FFAR4: variants seen among roughly 807,000 people sequenced by gnomAD.
FFAR4 encodes free fatty acid receptor 4, also known as G-protein coupled receptor 120.
In FFAR4, 19 loss-of-function variants were observed where a neutral mutation model predicts 27.0. That is an observed-to-expected ratio of 0.70 (90% CI 0.49 to 1.03). The LOEUF (loss-of-function observed/expected upper bound fraction) is 1.03, where lower values mean the gene tolerates loss of function less well. FFAR4 is among the 50% of genes least tolerant of loss of function. FFAR4 has a pLI of 0.00. For synonymous variants in FFAR4, 254 were observed against 215.6 expected (o/e 1.18, Z -1.56); for missense variants, 476 against 479.0 (o/e 0.99, Z 0.06).
chr10:93,572,439 T>A (rs547346972), intron 1 of FFAR4, among the ~76,000 whole-genome samples: 2 of 151,420 alleles, frequency 1.3e-5, no homozygotes, highest in Non-Finnish European at 2.9e-5. Flanking sequence ...TGAGGTTCAG[T>A]GGGGGCAAAA....
intron 2 of FFAR4, among the ~76,000 whole-genome samples, chr10:93,577,882 T>A (rs931474680): frequency 1.3e-5 from 2 of 151,928 alleles, no homozygotes; most frequent in African/African-American, 4.8e-5. Context: ...CTCAGACATG[T>A]GTTAAGGGCC....
In FFAR4 at chr10:93,567,188, A is replaced by G. The variant is rs201462980; in HGVS notation, c.468A>G (p.Ala156=). Reference sequence around the variant, plus strand: ...GGGGTCCTGGGCGGCGGGCGCGGGCAGTGCTGCTGGCGCTCATCTGGGGCT... The same window carrying G: ...GGGGTCCTGGGCGGCGGGCGCGGGCGGTGCTGCTGGCGCTCATCTGGGGCT... ...GVRGPGRRAR[A]VLLALIWGYS... The change falls in exon 1 of 3, where the codon GCA becomes GCG. Residue 156 remains alanine, a synonymous_variant. Transcript: ENST00000371481. 117 of 1,603,320 alleles carry G rather than the reference A, an allele frequency of 7.3e-5. No homozygotes were observed. Among genetic ancestry groups the G allele is most frequent in the Middle Eastern group, 1.7e-4 (1 of 6,040 alleles).
intron 2 of FFAR4, among the ~76,000 whole-genome samples, chr10:93,579,591 T>G (rs1455836940): frequency 6.6e-6 from 1 of 152,248 alleles, no homozygotes; most frequent in Non-Finnish European, 1.5e-5. Flanking sequence ...GACAGTCATC[T>G]GTCTTGCCCA....
intron 1 of FFAR4, among the ~76,000 whole-genome samples, chr10:93,571,662 A>G (rs1010864007): frequency 6.6e-6 from 1 of 152,222 alleles, no homozygotes; most frequent in African/African-American, 2.4e-5. Context: ...AAACAAACAC[A>G]GTTTGCTTGC....
chr10:93,579,607 A>T (rs1425104337), intron 2 of FFAR4, among the ~76,000 whole-genome samples: 1 of 152,200 alleles, frequency 6.6e-6, no homozygotes, highest in Non-Finnish European at 1.5e-5. Context: ...GCCCACTACA[A>T]TGCAAGCTCC....
chr10:93,579,261 C>T, intron 2 of FFAR4: 1 of 1,426,740 alleles, frequency 7.0e-7, no homozygotes, highest in Admixed American at 1.7e-5. Context: ...ATTTACATTC[C>T]ATCACCACCC....
intron 1 of FFAR4, among the ~76,000 whole-genome samples, chr10:93,574,959 T>C (rs1344124840): frequency 6.6e-6 from 1 of 152,238 alleles, no homozygotes; most frequent in African/African-American, 2.4e-5. Context: ...AAGGATTTAA[T>C]GAACTTCCCC....
At chr10:93,579,231 A>G (rs1267274285) in intron 2 of FFAR4, 1 of 1,591,148 alleles carries the variant, frequency 6.3e-7, no homozygotes, top group South Asian at 1.1e-5. Context: ...TGAGTAACAG[A>G]GTAACAGAGC....
At chr10:93,575,941 C>T in intron 1 of FFAR4, 150 bp from the exon 2 acceptor site, 5 of 669,874 alleles carry the variant, frequency 7.5e-6, no homozygotes, top group Non-Finnish European at 1.3e-5. Context: ...TTGTGGTGGG[C>T]AGTGGGAGGG....
At chr10:93,579,081 C>G (rs1049441421) in intron 2 of FFAR4, 2 of 1,317,790 alleles carry the variant, frequency 1.5e-6, no homozygotes, top group East Asian at 2.3e-5. Context: ...TTTTAGCCAC[C>G]CACCTCTAAA....
At chr10:93,584,833 A>C (rs1035720307) in intron 2 of FFAR4, among the ~76,000 whole-genome samples, 2 of 151,770 alleles carry the variant, frequency 1.3e-5, no homozygotes, top group Non-Finnish European at 2.9e-5. Context: ...CAGCCTCCTG[A>C]GTAGTTGGGA....
chr10:93,575,522 C>T (rs1460919270), intron 1 of FFAR4, among the ~76,000 whole-genome samples: 1 of 152,198 alleles, frequency 6.6e-6, no homozygotes, highest in Non-Finnish European at 1.5e-5. Flanking sequence ...TGATCTTTGC[C>T]TTGGGGCTCT....
At position 93,587,516 on chromosome 10, in the gene FFAR4, G is replaced by GA. The variant is rs1379529153; in HGVS notation, c.997dup (p.Ile333AsnfsTer23). 6 of 1,613,974 alleles carry GA rather than the reference G, an allele frequency of 3.7e-6. No homozygotes were observed. Among genetic ancestry groups the GA allele is most frequent in the Non-Finnish European group, 5.1e-6 (6 of 1,180,034 alleles). Reference sequence around the variant, plus strand: ...TGACACTGTGCAGGAATGAGTGGAAGAAAATTTTTTGCTGCTTCTGGTTCC... The same window carrying GA: ...TGACACTGTGCAGGAATGAGTGGAAGAAAAATTTTTTGCTGCTTCTGGTTCC... On this transcript the variant is annotated frameshift_variant, in exon 3 of 3. Transcript: ENST00000371481. LOFTEE classifies it high-confidence loss of function.
intron 2 of FFAR4, among the ~76,000 whole-genome samples, chr10:93,579,560 C>CA (rs2058187158): frequency 6.6e-6 from 1 of 152,246 alleles, no homozygotes; most frequent in South Asian, 2.1e-4. Context: ...ACACTTACTA[C>CA]ACCTGTCATA....
At chr10:93,577,923 G>A (rs2058174214) in intron 2 of FFAR4, among the ~76,000 whole-genome samples, 1 of 152,100 alleles carries the variant, frequency 6.6e-6, no homozygotes. Context: ...GGGGAAGGGA[G>A]GTGGGCTAAA....
At chr10:93,578,416 CAA>C (rs762326870) in intron 2 of FFAR4, among the ~76,000 whole-genome samples, 14,916 of 60,092 alleles carry the variant, frequency 0.25, 779 homozygotes, top group East Asian at 0.33. Context: ...GATTCCCTCT[CAA>C]AAAAAAAAAA....
chr10:93,586,198 T>C (rs1251697952), intron 2 of FFAR4, among the ~76,000 whole-genome samples: 1 of 152,168 alleles, frequency 6.6e-6, no homozygotes, highest in Admixed American at 6.5e-5. Flanking sequence ...AATTGAATCA[T>C]GGGGATGGTT....
rs1329276351 is a variant in FFAR4, at chr10:93,589,932, G to C, written c.*2323G>C. On this transcript the variant is annotated 3_prime_UTR_variant, in exon 3 of 3. Coordinates refer to ENST00000371481, the MANE Select transcript of FFAR4 (RefSeq NM_001195755.2). ...GCTGAGGAAATCAGCACCAGCAGTA[G>C]TGACTGCTTATGCAGTTTCTGGAGC... 1.3e-5 allele frequency: 2 copies of C among 152,226 alleles called. No homozygotes were observed. The highest frequency in any genetic ancestry group is 2.4e-5 in the African/African-American group (1 of 41,442). The allele number at this position is 152,226 out of a possible 1,614,324, so 9.4% of individuals were successfully genotyped here.
rs1214791615 is a variant in FFAR4, at chr10:93,576,086, A to G, written c.568-5A>G. On this transcript the variant is annotated splice_region_variant and splice_polypyrimidine_tract_variant and intron_variant, in intron 1 of 2. Coordinates refer to ENST00000371481, the MANE Select transcript of FFAR4 (RefSeq NM_001195755.2). Reference sequence around the variant, plus strand: ...ACATGATGTTCTTTTCCTTTTTGTAACTAGGAAATTTCGATTTGCACACTG... The same window carrying G: ...ACATGATGTTCTTTTCCTTTTTGTAGCTAGGAAATTTCGATTTGCACACTG... 1 of 1,613,842 alleles carries G rather than the reference A, an allele frequency of 6.2e-7. No individual in the cohort carries two copies. Among genetic ancestry groups the G allele is most frequent in the East Asian group, 2.2e-5 (1 of 44,880 alleles).
Sources: allele counts gnomAD v4.1 joint callset (sites outside exome capture counted in the v4.1 genomes callset), GRCh38; gene constraint gnomAD v4.1.1; transcripts MANE v1.5; gene names NCBI Gene and HGNC (gene_info 2026-07-23, HGNC 2026-07-21).